ARHGAP4: variants seen among roughly 807,000 people sequenced by gnomAD.
The protein encoded by ARHGAP4 is rho GTPase-activating protein 4.
Under a neutral mutation model 67.6 loss-of-function variants are expected in ARHGAP4, and 25 were observed. That is an observed-to-expected ratio of 0.37 (90% CI 0.27 to 0.52). ARHGAP4 has a LOEUF of 0.52. ARHGAP4 is among the 20% of genes least tolerant of loss of function. The pLI, the probability that ARHGAP4 is intolerant of heterozygous loss-of-function variation, is 0.92. For missense variants in ARHGAP4, 804 were observed against 854.6 expected, an observed-to-expected ratio of 0.94 and a Z score of 0.74; for synonymous variants, 448 against 373.7, an observed-to-expected ratio of 1.20 and a Z score of -2.29.
At chrX:153,911,729 C>T (rs2065022392) in intron 12 of ARHGAP4, among the ~76,000 whole-genome samples, 1 of 110,800 alleles carries the variant, frequency 9.0e-6, no homozygotes, top group Non-Finnish European at 1.9e-5. Context: ...CTGACCAACA[C>T]GGTGAAACCT....
chrX:153,922,464 C>T, intron 1 of ARHGAP4: 11 of 745,061 alleles, frequency 1.5e-5, no homozygotes, highest in Non-Finnish European at 1.7e-5. Flanking sequence ...CAATCACCCC[C>T]CGCCCCACCT....
At position 153,909,841 on chromosome X, in the gene ARHGAP4, C is replaced by A. The variant is rs2070099; in HGVS notation, c.2314G>T (p.Val772Leu). 50,181 of 1,199,588 alleles carry A rather than the reference C, an allele frequency of 0.042. 863 individuals are homozygous for A. Among genetic ancestry groups the A allele is most frequent in the South Asian group, 0.1 (5,564 of 55,466 alleles). ...GAGGCCCTCTCGTGCAGCCGCAGTA[C>A]GTCCCCCCGCCGGAAGCTCAGCTCC... is the stretch of plus-strand genomic sequence containing the variant. Reference protein sequence around the residue: ...AQELSFRRGDVLRLHERASSD... With the variant: ...AQELSFRRGDLLRLHERASSD... The change falls in exon 19 of 22, where the codon GTA becomes TTA. Residue 772 changes from valine to leucine, a missense_variant. Physicochemically the swap from Val to Leu is conservative, Grantham distance 32. Around this residue, in one of 2 missense-constraint regions of ARHGAP4, gnomAD observed 400 missense variants for 348.7 expected, o/e 1.15. Coordinates refer to ENST00000350060, the MANE Select transcript of ARHGAP4 (RefSeq NM_001666.5).
At chrX:153,919,608 G>A in intron 5 of ARHGAP4, 1 of 1,166,356 alleles carries the variant, frequency 8.6e-7, no homozygotes, top group Non-Finnish European at 1.1e-6. Context: ...CACCATGGAG[G>A]GTGCACGAGA....
At position 153,909,851 on chromosome X, in the gene ARHGAP4, C is replaced by T. The variant is rs782232712; in HGVS notation, c.2304G>A (p.Arg768=). 25 of 1,201,969 alleles carry T rather than the reference C, an allele frequency of 2.1e-5. No homozygotes were observed. Among genetic ancestry groups the T allele is most frequent in the Non-Finnish European group, 2.7e-5 (24 of 891,704 alleles). The part of the protein sequence containing the change: ...TGRTAQELSF[R]RGDVLRLHER... Reference sequence around the variant, plus strand: ...CGTGCAGCCGCAGTACGTCCCCCCGCCGGAAGCTCAGCTCCTGGGCTGTGC... The same window carrying T: ...CGTGCAGCCGCAGTACGTCCCCCCGTCGGAAGCTCAGCTCCTGGGCTGTGC... Residue 768 remains arginine, a synonymous_variant, in exon 19 of 22, where the codon CGG becomes CGA. Coordinates refer to ENST00000350060, the MANE Select transcript of ARHGAP4 (RefSeq NM_001666.5).
intron 12 of ARHGAP4, among the ~76,000 whole-genome samples, chrX:153,911,461 C>T (rs1557103291): frequency 1.8e-5 from 2 of 110,956 alleles, no homozygotes; most frequent in Middle Eastern, 4.6e-3. Context: ...TCATCGTTGT[C>T]GGCACAGAGG....
chrX:153,922,626 C>T (rs1029779475), intron 1 of ARHGAP4, among the ~76,000 whole-genome samples: 2 of 112,172 alleles, frequency 1.8e-5, no homozygotes, highest in Non-Finnish European at 3.8e-5. Flanking sequence ...AAGCAACCTG[C>T]GGAAGACACT....
intron 17 of ARHGAP4, 39 bp downstream of exon 17, chrX:153,910,132 G>C (rs3213440): frequency 0.18 from 220,961 of 1,207,144 alleles, 13,958 homozygotes; most frequent in South Asian, 0.26. Context: ...CTCTTCTCCA[G>C]TGGACCCCCC....
chrX:153,915,765 C>T (rs2065051893), intron 7 of ARHGAP4, among the ~76,000 whole-genome samples: 1 of 111,964 alleles, frequency 8.9e-6, no homozygotes, highest in South Asian at 3.7e-4. Flanking sequence ...CCAGCCTGGA[C>T]AACAGAGCCA....
chrX:153,907,737 G>T lies in ARHGAP4; in HGVS notation c.2833C>A (p.Pro945Thr). Reference sequence around the variant, plus strand: ...TCTCCAGCAGCGGCACCTCAGTGTGGCTTGGGGGTCGTGTCTAGGCCCTGG... The same window carrying T: ...TCTCCAGCAGCGGCACCTCAGTGTGTCTTGGGGGTCGTGTCTAGGCCCTGG... ...HPQGLDTTPK[P>T]H Residue 945 changes from proline to threonine, a missense_variant, in exon 22 of 22, where the codon CCA (proline) becomes ACA (threonine). Coordinates refer to ENST00000350060, the MANE Select transcript of ARHGAP4 (RefSeq NM_001666.5). The T allele has an allele frequency of 1.0e-6, 1 of 995,667 alleles. No homozygotes were observed. The highest frequency in any genetic ancestry group is 1.3e-6 in the Non-Finnish European group (1 of 771,817). The allele number at this position is 995,667 out of a possible 1,213,427, so 82.1% of individuals were successfully genotyped here.
intron 7 of ARHGAP4, among the ~76,000 whole-genome samples, chrX:153,915,729 G>C (rs1280088125): frequency 1.8e-5 from 2 of 112,401 alleles, no homozygotes; most frequent in Non-Finnish European, 3.8e-5. Flanking sequence ...GGAGGCTGCA[G>C]TGAGCTATGA....
Position 153,921,171 on chromosome X carries a change from G to A in ARHGAP4, c.436-12C>T, listed in dbSNP as rs1557105207. 3 of 1,198,024 alleles carry A rather than the reference G, an allele frequency of 2.5e-6. No homozygotes were observed. Among genetic ancestry groups the A allele is most frequent in the African/African-American group, 3.5e-5 (2 of 57,674 alleles). On this transcript the variant is annotated splice_polypyrimidine_tract_variant and intron_variant, in intron 3 of 21. Coordinates refer to ENST00000350060, the MANE Select transcript of ARHGAP4 (RefSeq NM_001666.5). ...TCCAGATCCCTGCTCTAGAGGCAGA[G>A]GCAAGGGTGAGCACGGCACTGCCCA...
intron 3 of ARHGAP4, 60 bp downstream of exon 3, chrX:153,921,305 A>T (rs2065092328): frequency 8.3e-7 from 1 of 1,203,369 alleles, no homozygotes; most frequent in African/African-American, 1.7e-5. Context: ...CCTCCCAGCC[A>T]CAGTGCCTCC....
In ARHGAP4 at chrX:153,922,453, C is replaced by G. The variant is rs1005484895; in HGVS notation, c.68-644G>C. On this transcript the variant is annotated intron_variant, in intron 1 of 21. Transcript: ENST00000350060. ...CGTCTTCTGACCCCACTTCCCACTC[C>G]CAATCACCCCCCGCCCCACCTGTGC... The G allele has an allele frequency of 1.6e-4, 120 of 745,918 alleles. No individual in the cohort carries two copies. In the African/African-American group the frequency reaches 2.7e-3, roughly 17 times the overall value. The allele number at this position is 745,918 out of a possible 1,213,427, so 61.5% of individuals were successfully genotyped here.
chrX:153,922,034 G>T, intron 1 of ARHGAP4: 1 of 946,898 alleles, frequency 1.1e-6, no homozygotes, highest in Non-Finnish European at 1.4e-6. Flanking sequence ...CTGCGCTGAG[G>T]CCAACAGATG....
chrX:153,921,185 C>T lies in ARHGAP4; in HGVS notation c.436-26G>A, dbSNP rs1465269833. Reference sequence around the variant, plus strand: ...CTAGAGGCAGAGGCAAGGGTGAGCACGGCACTGCCCAGAGCGGCCCCGCCA... The same window carrying T: ...CTAGAGGCAGAGGCAAGGGTGAGCATGGCACTGCCCAGAGCGGCCCCGCCA... On this transcript the variant is annotated intron_variant, in intron 3 of 21. Transcript: ENST00000350060. 6 of 1,191,420 alleles carry T rather than the reference C, an allele frequency of 5.0e-6. No homozygotes were observed. In the South Asian group the frequency reaches 5.5e-5, roughly 11 times the overall value.
At chrX:153,909,024 A>AT in intron 21 of ARHGAP4, 46 bp downstream of exon 21, 6 of 1,161,755 alleles carry the variant, frequency 5.2e-6, no homozygotes, top group Non-Finnish European at 7.0e-6. Context: ...GGAGGCAGAG[A>AT]TCCCCCAGGA....
intron 20 of ARHGAP4, 46 bp from the exon 21 acceptor site, chrX:153,909,215 G>C: frequency 9.0e-7 from 1 of 1,116,163 alleles, no homozygotes. Flanking sequence ...GGAAGTCCCT[G>C]AGCTAGCTGG....
rs1557105450 is a variant in ARHGAP4 at position 153,921,820 on chromosome X, A to C, written c.68-11T>G. The stretch of plus-strand genomic sequence containing the variant: ...GCTGCCAGCGCATCTCTGTGGGGGG[A>C]ACCATGGCTCAGGCCTGGTCAGCAC... On this transcript the variant is annotated splice_polypyrimidine_tract_variant and intron_variant, in intron 1 of 21. Coordinates refer to ENST00000350060, the MANE Select transcript of ARHGAP4 (RefSeq NM_001666.5). 1.7e-6 allele frequency: 2 copies of C among 1,177,763 alleles called. No individual in the cohort carries two copies. Among genetic ancestry groups the C allele is most frequent in the Non-Finnish European group, 2.3e-6 (2 of 881,023 alleles).
intron 14 of ARHGAP4, 28 bp from the exon 15 acceptor site, chrX:153,910,862 G>A (rs979819296): frequency 2.5e-6 from 3 of 1,184,898 alleles, no homozygotes; most frequent in Non-Finnish European, 3.4e-6. Flanking sequence ...GTGCGGTAGG[G>A]GGAGGAAGCT....
Sources: allele counts gnomAD v4.1 joint callset (sites outside exome capture counted in the v4.1 genomes callset), GRCh38; gene constraint gnomAD v4.1.1; regional missense constraint gnomAD v4.1.1; transcripts MANE v1.5; gene names NCBI Gene and HGNC (gene_info 2026-07-23, HGNC 2026-07-21).